Variants in SRBD1 observed in about 807,000 individuals in gnomAD.
SRBD1 encodes the protein S1 RNA-binding domain-containing protein 1.
SRBD1 carries 88 observed loss-of-function variants against 115.3 expected under a neutral mutation model. That is an observed-to-expected ratio of 0.76 (90% CI 0.64 to 0.91). The LOEUF is 0.91. SRBD1 is among the 40% of genes least tolerant of loss of function. The pLI is 0.00. For synonymous variants in SRBD1, 509 were observed against 407.7 expected, an observed-to-expected ratio of 1.25 and a Z score of -2.99; for missense variants, 1,385 against 1,177.4, an observed-to-expected ratio of 1.18 and a Z score of -2.58.
At chr2:45,539,269 C>G (rs1460907065) in intron 14 of SRBD1, among the ~76,000 whole-genome samples, 1 of 151,810 alleles carries the variant, frequency 6.6e-6, no homozygotes, top group East Asian at 1.9e-4. Context: ...TATGTGGGAA[C>G]CTTGATTTCT....
chr2:45,537,382 C>T (rs1279247024), intron 14 of SRBD1, among the ~76,000 whole-genome samples: 1 of 152,174 alleles, frequency 6.6e-6, no homozygotes, highest in Non-Finnish European at 1.5e-5. Flanking sequence ...ACACTCTTAT[C>T]TTTTTGTCTG....
intron 14 of SRBD1, among the ~76,000 whole-genome samples, chr2:45,495,572 G>C (rs1411323792): frequency 6.6e-6 from 1 of 151,660 alleles, no homozygotes; most frequent in Non-Finnish European, 1.5e-5. Flanking sequence ...CCAACATAAA[G>C]TTGTTGCCAT....
chr2:45,561,523 T>C (rs566644052), intron 10 of SRBD1, among the ~76,000 whole-genome samples: 2 of 152,352 alleles, frequency 1.3e-5, no homozygotes, highest in East Asian at 3.9e-4. Flanking sequence ...TTTTTAAGTA[T>C]CATTCCTAGC....
intron 14 of SRBD1, among the ~76,000 whole-genome samples, chr2:45,512,189 C>T (rs945108275): frequency 6.6e-6 from 1 of 152,190 alleles, no homozygotes; most frequent in Non-Finnish European, 1.5e-5. Context: ...CTAACTTGAG[C>T]TTCTAAACCT....
At chr2:45,409,473 C>A (rs954631198) in intron 19 of SRBD1, among the ~76,000 whole-genome samples, 1 of 146,246 alleles carries the variant, frequency 6.8e-6, no homozygotes, top group Non-Finnish European at 1.5e-5. Flanking sequence ...TCTCACCATT[C>A]CTGTTCAACA....
At chr2:45,389,655 T>C (rs1666944550) in intron 20 of SRBD1, 56 bp from the exon 21 acceptor site, 4 of 1,522,638 alleles carry the variant, frequency 2.6e-6, no homozygotes, top group African/African-American at 2.8e-5. Flanking sequence ...AGATACAACA[T>C]AACTTTGTGA....
intron 19 of SRBD1, among the ~76,000 whole-genome samples, chr2:45,399,768 T>C (rs1667243149): frequency 6.6e-6 from 1 of 151,812 alleles, no homozygotes; most frequent in Non-Finnish European, 1.5e-5. Context: ...TGAATAAGAG[T>C]TGGACAAAAT....
intron 16 of SRBD1, among the ~76,000 whole-genome samples, chr2:45,451,724 CT>C (rs1669003529): frequency 6.7e-6 from 1 of 148,988 alleles, no homozygotes; most frequent in Non-Finnish European, 1.5e-5. Context: ...CAAGTCTTTT[CT>C]TTTTTTTCCA....
At chr2:45,400,460 G>C (rs1280527409) in intron 19 of SRBD1, among the ~76,000 whole-genome samples, 1 of 152,104 alleles carries the variant, frequency 6.6e-6, no homozygotes. Flanking sequence ...GGTACTAATA[G>C]GTTGCTCCAG....
At chr2:45,454,853 T>C (rs1374908027) in intron 16 of SRBD1, among the ~76,000 whole-genome samples, 1 of 151,938 alleles carries the variant, frequency 6.6e-6, no homozygotes, top group East Asian at 1.9e-4. Flanking sequence ...AAATCTTGTT[T>C]CTATTCTAAT....
At chr2:45,439,739 A>G (rs1668603485) in intron 16 of SRBD1, among the ~76,000 whole-genome samples, 1 of 152,076 alleles carries the variant, frequency 6.6e-6, no homozygotes, top group African/African-American at 2.4e-5. Context: ...AATTGTCTAT[A>G]AAGACTGTAT....
chr2:45,486,825 T>A (rs999790205), intron 15 of SRBD1, among the ~76,000 whole-genome samples: 2 of 152,036 alleles, frequency 1.3e-5, no homozygotes, highest in African/African-American at 4.8e-5. Flanking sequence ...ATAGAAAGGA[T>A]AAAATAATCT....
intron 14 of SRBD1, among the ~76,000 whole-genome samples, chr2:45,542,160 G>A (rs947611928): frequency 1.3e-5 from 2 of 152,224 alleles, no homozygotes; most frequent in African/African-American, 4.8e-5. Flanking sequence ...CTCCTGTGTT[G>A]GTTGGTGCCC....
chr2:45,483,198 C>T (rs79522888), intron 15 of SRBD1, among the ~76,000 whole-genome samples: 3,505 of 152,030 alleles, frequency 0.023, 138 homozygotes, highest in African/African-American at 0.08. Flanking sequence ...ATAAAGTACA[C>T]ATAGGGATTT....
Position 45,566,872 on chromosome 2 carries a change from T to C in SRBD1, c.1306-4116A>G, listed in dbSNP as rs143000541. Among the ~76,000 whole-genome samples the C allele has an allele frequency of 3.6e-3, 552 of 152,212 alleles. 10 individuals are homozygous for C. The highest frequency in any genetic ancestry group is 0.013 in the African/African-American group (526 of 41,556). On this transcript the variant is annotated intron_variant, in intron 9 of 20. Transcript: ENST00000263736. ...AAAATTAAACAACATCACTTCAACA[T>C]ATATTCAGATTTCTCACTAATTCTT...
intron 14 of SRBD1, among the ~76,000 whole-genome samples, chr2:45,497,750 C>G (rs1392457179): frequency 1.3e-5 from 2 of 151,130 alleles, no homozygotes; most frequent in Non-Finnish European, 2.9e-5. Context: ...TTTTAAGAAA[C>G]TGCCAGCCAG....
At chr2:45,605,641 T>C (rs1244341119) in intron 1 of SRBD1, among the ~76,000 whole-genome samples, 200 bp from the exon 2 acceptor site, 1 of 152,204 alleles carries the variant, frequency 6.6e-6, no homozygotes, top group Non-Finnish European at 1.5e-5. Flanking sequence ...CCATGGCTCA[T>C]GCCTGTAATC....
rs749931021 is a variant in SRBD1, at chr2:45,599,706, T to C, written c.391A>G (p.Lys131Glu). ...GTTTCTTCTTCAACTTTCAGCTTTT[T>C]AGTCCTTCGAACTGTATGTGGCTGC... ...AAQPHTVRRTKKLKVEEETSK... is the reference protein window; with the variant it reads ...AAQPHTVRRTEKLKVEEETSK... Residue 131 changes from lysine (K) to glutamate (E), a missense_variant, in exon 4 of 21, where the codon AAA (lysine) becomes GAA (glutamate). Coordinates refer to ENST00000263736, the MANE Select transcript of SRBD1 (RefSeq NM_018079.5). The C allele has an allele frequency of 1.7e-5, 27 of 1,614,122 alleles. No individual in the cohort carries two copies. Among genetic ancestry groups the C allele is most frequent in the Non-Finnish European group, 2.1e-5 (25 of 1,180,044 alleles).
At chr2:45,530,893 G>C (rs542920967) in intron 14 of SRBD1, among the ~76,000 whole-genome samples, 4 of 152,116 alleles carry the variant, frequency 2.6e-5, no homozygotes, top group East Asian at 1.9e-4. Flanking sequence ...CTGAGCCTAA[G>C]AGTTCGAGAT....
Sources: allele counts gnomAD v4.1 joint callset (sites outside exome capture counted in the v4.1 genomes callset), GRCh38; gene constraint gnomAD v4.1.1; transcripts MANE v1.5; gene names NCBI Gene and HGNC (gene_info 2026-07-23, HGNC 2026-07-21).